The following KCNIP4 variants were observed in gnomAD, a reference collection of about 807,000 sequenced individuals.
KCNIP4 encodes the protein Kv channel-interacting protein 4.
A neutral mutation model predicts 34.0 loss-of-function variants in KCNIP4; 12 were observed. The ratio of observed to expected loss-of-function variants is 0.35; its 90% CI spans 0.23 to 0.57. The LOEUF is 0.57. Among genes scored for constraint, KCNIP4 ranks in the 20% least tolerant of loss-of-function variants. The pLI is 0.83. For missense variants in KCNIP4, 238 were observed against 311.7 expected, an observed-to-expected ratio of 0.76 and a Z score of 1.78; for synonymous variants, 124 against 102.2, an observed-to-expected ratio of 1.21 and a Z score of -1.29.
At chr4:20,816,805 C>A (rs1381903964) in intron 3 of KCNIP4, among the ~76,000 whole-genome samples, 1 of 152,166 alleles carries the variant, frequency 6.6e-6, no homozygotes, top group Non-Finnish European at 1.5e-5. Flanking sequence ...AATCAGGACT[C>A]TGGAATGGAT....
At chr4:20,803,703 A>AAGAGAG (rs57764706) in intron 3 of KCNIP4, among the ~76,000 whole-genome samples, 3 of 125,794 alleles carry the variant, frequency 2.4e-5, no homozygotes, top group African/African-American at 9.4e-5. Flanking sequence ...GAGAGAGAGA[A>AAGAGAG]AGAGAGAGAG....
At chr4:21,094,444 G>A (rs1747289440) in intron 1 of KCNIP4, among the ~76,000 whole-genome samples, 1 of 152,192 alleles carries the variant, frequency 6.6e-6, no homozygotes, top group Non-Finnish European at 1.5e-5. Flanking sequence ...AAGATTGCCA[G>A]AGATGTGAAC....
At chr4:21,534,283 C>T (rs1273208859) in intron 1 of KCNIP4, among the ~76,000 whole-genome samples, 1 of 152,172 alleles carries the variant, frequency 6.6e-6, no homozygotes, top group Non-Finnish European at 1.5e-5. Context: ...GTTGTCTTTA[C>T]AGACACTGCA....
At chr4:20,778,256 C>T (rs1234554550) in intron 3 of KCNIP4, among the ~76,000 whole-genome samples, 3 of 152,144 alleles carry the variant, frequency 2.0e-5, no homozygotes, top group African/African-American at 4.8e-5. Flanking sequence ...TTTACTTGTG[C>T]CTCACTTGCC....
intron 1 of KCNIP4, among the ~76,000 whole-genome samples, chr4:20,948,470 C>A (rs1732430297): frequency 6.6e-6 from 1 of 152,160 alleles, no homozygotes; most frequent in Non-Finnish European, 1.5e-5. Context: ...GGGCTCTTAT[C>A]CGGGAGAGGA....
In KCNIP4 at chr4:21,919,396, C is replaced by T. The variant is rs543159619; in HGVS notation, c.61+29175G>A. Among the ~76,000 whole-genome samples, 3 of 152,224 alleles carry T rather than the reference C, an allele frequency of 2.0e-5. No homozygotes were observed. The South Asian group carries it at 6.2e-4, about 32-fold the overall frequency. ...CTGGATGAAACTTGGGATGGTCACC[C>T]TCAAGGAGAGGGTAAGCACATTCTA... On this transcript the variant is annotated intron_variant, in intron 1 of 8. Coordinates refer to ENST00000382152, the MANE Select transcript of KCNIP4 (RefSeq NM_025221.6).
At chr4:21,777,677 T>C (rs1227285113) in intron 1 of KCNIP4, among the ~76,000 whole-genome samples, 2 of 152,198 alleles carry the variant, frequency 1.3e-5, no homozygotes, top group African/African-American at 4.8e-5. Flanking sequence ...ACTCTACCAC[T>C]AGCACATGAC....
intron 1 of KCNIP4, among the ~76,000 whole-genome samples, chr4:21,256,418 T>TA (rs35912916): frequency 0.024 from 2,941 of 120,900 alleles, 107 homozygotes; most frequent in African/African-American, 0.079. Context: ...CATCCCTGCT[T>TA]AAAAAAAAAA....
At chr4:21,631,521 G>A (rs949070662) in intron 1 of KCNIP4, among the ~76,000 whole-genome samples, 7 of 152,158 alleles carry the variant, frequency 4.6e-5, no homozygotes, top group Non-Finnish European at 8.8e-5. Flanking sequence ...AGTTGGAAAG[G>A]TGGATGGAGT....
intron 1 of KCNIP4, among the ~76,000 whole-genome samples, chr4:21,583,269 A>T (rs1237513361): frequency 1.3e-5 from 2 of 152,020 alleles, no homozygotes; most frequent in Non-Finnish European, 2.9e-5. Flanking sequence ...CTAAAGTTAA[A>T]TATCTGAGTT....
intron 1 of KCNIP4, among the ~76,000 whole-genome samples, chr4:21,528,450 C>A (rs1345108717): frequency 6.6e-6 from 1 of 151,706 alleles, no homozygotes; most frequent in Admixed American, 6.6e-5. Context: ...GGGTGTATCA[C>A]GAGGTCAGGA....
intron 1 of KCNIP4, among the ~76,000 whole-genome samples, chr4:21,354,135 C>T (rs1323559250): frequency 2.0e-5 from 3 of 152,064 alleles, no homozygotes; most frequent in East Asian, 1.9e-4. Flanking sequence ...CCCTACAAGA[C>T]CTCCTGAAGG....
rs1472444056 is a variant in KCNIP4 at position 21,304,054 on chromosome 4, AG to A, written c.62-421346del. On this transcript the variant is annotated intron_variant, in intron 1 of 8. Transcript: ENST00000382152. ...ATGAGAGAGAGAGAGAGAGAGAGAG[AG>A]AGAGAGAGAGAGACAGAGAGAGAGA... 1.5e-5 allele frequency: 7 copies of A among 472,904 alleles called. No individual in the cohort carries two copies. In the Admixed American group the frequency reaches 5.3e-4, roughly 36 times the overall value. The allele number at this position is 472,904 out of a possible 1,614,324, so 29.3% of individuals were successfully genotyped here.
At chr4:21,686,897 T>G (rs1750844228) in intron 1 of KCNIP4, among the ~76,000 whole-genome samples, 1 of 150,172 alleles carries the variant, frequency 6.7e-6, no homozygotes, top group African/African-American at 2.5e-5. Context: ...TTATTCACAA[T>G]AGCAAAGACT....
At chr4:21,863,595 G>A (rs1473942973) in intron 1 of KCNIP4, among the ~76,000 whole-genome samples, 3 of 152,232 alleles carry the variant, frequency 2.0e-5, no homozygotes, top group Admixed American at 6.5e-5. Flanking sequence ...GCTAGAATCC[G>A]TCTTACCCAA....
chr4:20,853,386 G>A (rs1056344772), intron 2 of KCNIP4, among the ~76,000 whole-genome samples: 4 of 152,094 alleles, frequency 2.6e-5, no homozygotes, highest in Non-Finnish European at 5.9e-5. Context: ...AACACAGAGT[G>A]GGGGAAAGGA....
At chr4:20,854,439 A>C (rs1721362838) in intron 2 of KCNIP4, among the ~76,000 whole-genome samples, 3 of 152,180 alleles carry the variant, frequency 2.0e-5, no homozygotes, top group Non-Finnish European at 2.9e-5. Context: ...GAGCTAAGCT[A>C]TGAGAACGCA....
chr4:20,864,497 T>C (rs1722668294), intron 2 of KCNIP4, among the ~76,000 whole-genome samples: 1 of 151,906 alleles, frequency 6.6e-6, no homozygotes, highest in Admixed American at 6.6e-5. Flanking sequence ...ACAGAGAGAC[T>C]AAGTAACTTG....
intron 1 of KCNIP4, among the ~76,000 whole-genome samples, chr4:21,462,858 TCATTTATTTATTCATTTTATTTATC>T (rs1465206625): frequency 6.6e-6 from 1 of 151,864 alleles, no homozygotes; most frequent in East Asian, 1.9e-4. Flanking sequence ...TTTTATTTAT[TCATTTATTTATTCATTTTATTTATC>T]CATTTATTTA....
Sources: allele counts gnomAD v4.1 joint callset (sites outside exome capture counted in the v4.1 genomes callset), GRCh38; gene constraint gnomAD v4.1.1; transcripts MANE v1.5; gene names NCBI Gene and HGNC (gene_info 2026-07-23, HGNC 2026-07-21).